The following CDH12 variants were observed in gnomAD, a reference collection of about 807,000 sequenced individuals.
CDH12 encodes the protein cadherin-12.
Under a neutral mutation model 74.1 loss-of-function variants are expected in CDH12, and 41 were observed. The observed-to-expected ratio is 0.55, with a 90% CI of 0.43 to 0.72. The LOEUF is 0.72. CDH12 is among the 30% of genes least tolerant of loss of function. The pLI, the probability that CDH12 is intolerant of heterozygous loss-of-function variation, is 0.00. For synonymous variants in CDH12, 399 were observed against 355.0 expected (o/e 1.12, Z -1.39); for missense variants, 945 against 977.2 (o/e 0.97, Z 0.44).
intron 3 of CDH12, among the ~76,000 whole-genome samples, chr5:22,229,963 T>C (rs1752328137): frequency 6.6e-6 from 1 of 152,144 alleles, no homozygotes; most frequent in Non-Finnish European, 1.5e-5. Flanking sequence ...TGAAGATTAT[T>C]AAATCAGTGA....
intron 1 of CDH12, among the ~76,000 whole-genome samples, chr5:22,651,325 C>T (rs775981477): frequency 6.6e-6 from 1 of 152,018 alleles, no homozygotes; most frequent in Non-Finnish European, 1.5e-5. Context: ...CTCTAAAGAA[C>T]TCCCCAAGAT....
intron 1 of CDH12, among the ~76,000 whole-genome samples, chr5:22,698,718 T>TAG (rs1742537858): frequency 6.7e-5 from 1 of 14,850 alleles, no homozygotes; most frequent in African/African-American, 2.5e-4. Flanking sequence ...TATATATATA[T>TAG]ATATATATAT....
chr5:22,081,001 G>A (rs1301305032), intron 4 of CDH12, among the ~76,000 whole-genome samples: 6 of 151,954 alleles, frequency 3.9e-5, no homozygotes, highest in Admixed American at 2.0e-4. Context: ...GGATGATCTC[G>A]ATCTCCTGAC....
chr5:22,587,364 A>T (rs1447094691), intron 1 of CDH12, among the ~76,000 whole-genome samples: 1 of 152,116 alleles, frequency 6.6e-6, no homozygotes, highest in African/African-American at 2.4e-5. Flanking sequence ...CGTTCTTTAT[A>T]ATTACCTAGT....
At chr5:22,391,548 AT>A (rs1408358933) in intron 3 of CDH12, among the ~76,000 whole-genome samples, 1 of 152,160 alleles carries the variant, frequency 6.6e-6, no homozygotes, top group Admixed American at 6.5e-5. Flanking sequence ...TTGCCTAGTC[AT>A]TTTTTATGCC....
intron 6 of CDH12, among the ~76,000 whole-genome samples, chr5:21,949,341 T>G (rs1755724958): frequency 6.6e-6 from 1 of 150,602 alleles, no homozygotes; most frequent in African/African-American, 2.5e-5. Flanking sequence ...TCCCAGCTAT[T>G]CGGGAGGCTG....
At chr5:22,816,026 C>A (rs1372922756) in intron 1 of CDH12, among the ~76,000 whole-genome samples, 2 of 152,048 alleles carry the variant, frequency 1.3e-5, no homozygotes, top group Admixed American at 6.6e-5. Context: ...AGGGCAATGG[C>A]AATACCACCA....
chr5:22,057,999 TTCTATCTATCTATCTATCTATCTATCTA>T, intron 5 of CDH12, among the ~76,000 whole-genome samples: 1 of 149,372 alleles, frequency 6.7e-6, no homozygotes, highest in African/African-American at 2.5e-5. Context: ...TTTCCTTGTA[TTCTATCTATCTATCTATCTATCTATCTA>T]TCTATCTATC....
chr5:22,331,294 A>G (rs573425796), intron 3 of CDH12, among the ~76,000 whole-genome samples: 1 of 152,148 alleles, frequency 6.6e-6, no homozygotes, highest in South Asian at 2.1e-4. Context: ...TTCAGGGCTG[A>G]CTCAGCAGTC....
chr5:22,235,403 A>C (rs1752526838), intron 3 of CDH12, among the ~76,000 whole-genome samples: 1 of 152,144 alleles, frequency 6.6e-6, no homozygotes, highest in Non-Finnish European at 1.5e-5. Flanking sequence ...CAACATGGTG[A>C]AACCCTGTCT....
chr5:22,796,812 G>A lies in CDH12; in HGVS notation c.-523+56246C>T, dbSNP rs577777208. 7.9e-5 allele frequency among the ~76,000 whole-genome samples: 8 copies of A among 101,624 alleles called. 1 individual carries two copies. Among genetic ancestry groups the A allele is most frequent in the Admixed American group, 5.2e-4 (5 of 9,588 alleles). 66.7% of individuals were successfully genotyped at this position (101,624 alleles called of 152,430 possible). A position where few individuals can be genotyped will look rare whatever the true frequency, so the allele number is the denominator to read the frequency against. ...TGGGATTACAGGCGTGAGCCACCGC[G>A]CCCGGCCCAGATTTTTTATCTTAAA... is the stretch of plus-strand genomic sequence containing the variant. On this transcript the variant is annotated intron_variant, in intron 1 of 14. Transcript: ENST00000382254.
chr5:22,262,595 T>C (rs1298289933), intron 3 of CDH12, among the ~76,000 whole-genome samples: 1 of 151,070 alleles, frequency 6.6e-6, no homozygotes, highest in African/African-American at 2.4e-5. Flanking sequence ...TGTGTCTTTA[T>C]AGCAGCATGA....
Position 21,802,198 on chromosome 5 carries a change from G to T in CDH12, c.1225C>A (p.Gln409Lys). ...GCACTGCTGCCTACATCCAGGTCTTGAGCAGTGACAGCGCCAATGATGGTC... is the reference window on the plus strand; with the variant it reads ...GCACTGCTGCCTACATCCAGGTCTTTAGCAGTGACAGCGCCAATGATGGTC... ...VGTIIGAVTA[Q>K]DLDVGSSAVR... The change falls in exon 10 of 15, where the codon CAA becomes AAA. Residue 409 changes from glutamine to lysine, a missense_variant. Physicochemically the swap from Gln to Lys is moderately conservative, Grantham distance 53. Coordinates refer to ENST00000382254, the MANE Select transcript of CDH12 (RefSeq NM_004061.5). The T allele has an allele frequency of 6.2e-7, 1 of 1,613,850 alleles. No homozygotes were observed. Among genetic ancestry groups the T allele is most frequent in the Non-Finnish European group, 8.5e-7 (1 of 1,179,880 alleles).
Position 22,285,947 on chromosome 5 carries a change from CAT to C in CDH12, c.-332-73306_-332-73305del, listed in dbSNP as rs1478344835. ...TGTAGAGGCATGTATAAGATAAATGCATATATATCTTTCTTGAAATTATTTTT... is the reference window on the plus strand; with the variant it reads ...TGTAGAGGCATGTATAAGATAAATGCATATATCTTTCTTGAAATTATTTTT... On this transcript the variant is annotated intron_variant, in intron 3 of 14. Coordinates refer to ENST00000382254, the MANE Select transcript of CDH12 (RefSeq NM_004061.5). Among the ~76,000 whole-genome samples the C allele has an allele frequency of 2.0e-5, 3 of 152,006 alleles. No homozygotes were observed. In the East Asian group the frequency reaches 5.8e-4, roughly 29 times the overall value.
chr5:22,202,871 T>G (rs981494534), intron 4 of CDH12, among the ~76,000 whole-genome samples: 2 of 152,280 alleles, frequency 1.3e-5, no homozygotes, highest in African/African-American at 4.8e-5. Context: ...TTTAGGTAAG[T>G]GACTTTCTCT....
At chr5:22,687,122 C>T (rs1228307540) in intron 1 of CDH12, among the ~76,000 whole-genome samples, 2 of 151,976 alleles carry the variant, frequency 1.3e-5, no homozygotes, top group East Asian at 3.9e-4. Flanking sequence ...GGTGAAACCC[C>T]GTCTGTACTA....
At chr5:22,279,152 G>A (rs1039600576) in intron 3 of CDH12, among the ~76,000 whole-genome samples, 3 of 151,474 alleles carry the variant, frequency 2.0e-5, no homozygotes, top group Admixed American at 6.6e-5. Context: ...AAAAATTTTG[G>A]CATCCTAACT....
chr5:22,554,682 T>C (rs147697034), intron 1 of CDH12, among the ~76,000 whole-genome samples: 25 of 152,186 alleles, frequency 1.6e-4, no homozygotes, highest in African/African-American at 6.0e-4. Context: ...CTTCCTACAA[T>C]AGCCTATTTA....
At chr5:21,768,476 C>T (rs1013948296) in intron 11 of CDH12, among the ~76,000 whole-genome samples, 41 of 151,960 alleles carry the variant, frequency 2.7e-4, no homozygotes, top group Admixed American at 2.6e-3. Flanking sequence ...TTAACTACTT[C>T]TCATTATAAA....
Sources: allele counts gnomAD v4.1 joint callset (sites outside exome capture counted in the v4.1 genomes callset), GRCh38; gene constraint gnomAD v4.1.1; transcripts MANE v1.5; gene names NCBI Gene and HGNC (gene_info 2026-07-23, HGNC 2026-07-21).